Variants in GPRC5A observed in about 807,000 individuals in gnomAD.
GPRC5A encodes the protein G protein-coupled receptor class C group 5 member A, also known as retinoic acid-induced protein 3.
GPRC5A carries 19 observed loss-of-function variants against 22.5 expected under a neutral mutation model. The observed-to-expected ratio is 0.85, with a 90% CI of 0.59 to 1.24. The LOEUF (loss-of-function observed/expected upper bound fraction) is 1.24. Among genes scored for constraint, GPRC5A ranks in the 50% most tolerant of loss-of-function variants. The pLI is 0.00. For missense variants in GPRC5A, 471 were observed against 451.1 expected, an observed-to-expected ratio of 1.04 and a Z score of -0.40; for synonymous variants, 192 against 184.5, an observed-to-expected ratio of 1.04 and a Z score of -0.33.
intron 1 of GPRC5A, among the ~76,000 whole-genome samples, chr12:12,908,024 G>A (rs969567324): frequency 6.6e-6 from 1 of 152,122 alleles, no homozygotes; most frequent in East Asian, 1.9e-4. Flanking sequence ...CTGGGGGAAG[G>A]GACATATGGG....
Position 12,912,638 on chromosome 12 carries a change from C to G in GPRC5A, c.*99C>G. ...TCTTGAGTCTTCTGAGAAAACTGTA[C>G]AAGACACTACGGGAACAGTTTGCCT... On this transcript the variant is annotated 3_prime_UTR_variant, in exon 4 of 4. Coordinates refer to ENST00000014914, the MANE Select transcript of GPRC5A (RefSeq NM_003979.4). The G allele has an allele frequency of 1.4e-6, 1 of 739,942 alleles. No individual in the cohort carries two copies. Among genetic ancestry groups the G allele is most frequent in the South Asian group, 1.5e-5 (1 of 66,556 alleles). The allele number at this position is 739,942 out of a possible 1,614,324, so 45.8% of individuals were successfully genotyped here.
chr12:12,892,337 CTTAAA>C (rs1188486260), intron 1 of GPRC5A, among the ~76,000 whole-genome samples: 2 of 152,138 alleles, frequency 1.3e-5, no homozygotes, highest in Non-Finnish European at 2.9e-5. Context: ...CATCTGGTCC[CTTAAA>C]CATCCATGGG....
chr12:12,893,960 C>A (rs1456670343), intron 1 of GPRC5A, among the ~76,000 whole-genome samples: 1 of 152,184 alleles, frequency 6.6e-6, no homozygotes, highest in Non-Finnish European at 1.5e-5. Context: ...CAGGGTTTCA[C>A]CATGTTGGCC....
At chr12:12,896,449 G>A (rs762065675) in intron 1 of GPRC5A, among the ~76,000 whole-genome samples, 3 of 152,140 alleles carry the variant, frequency 2.0e-5, no homozygotes, top group Non-Finnish European at 1.5e-5. Flanking sequence ...CCCTGTAGAC[G>A]CTTTGCATTT....
chr12:12,904,573 G>T (rs1200862683), intron 1 of GPRC5A, among the ~76,000 whole-genome samples: 1 of 152,158 alleles, frequency 6.6e-6, no homozygotes, highest in Non-Finnish European at 1.5e-5. Context: ...GCTTAGAGCA[G>T]TGATCAGCAC....
At chr12:12,910,509 ACC>A (rs1382519937) in intron 2 of GPRC5A, among the ~76,000 whole-genome samples, 1 of 152,060 alleles carries the variant, frequency 6.6e-6, no homozygotes, top group Non-Finnish European at 1.5e-5. Flanking sequence ...CCCCTGAGCC[ACC>A]CCATCCCATC....
At chr12:12,898,742 C>T (rs1260614471) in intron 1 of GPRC5A, among the ~76,000 whole-genome samples, 1 of 152,154 alleles carries the variant, frequency 6.6e-6, no homozygotes. Context: ...TTGCCTAAGC[C>T]AGAAATCTGG....
rs1294419823 is a variant in GPRC5A, at chr12:12,914,883, G to A, written c.*2344G>A. 6.6e-6 allele frequency: 1 copy of A among 152,058 alleles called. No individual in the cohort carries two copies. The highest frequency in any genetic ancestry group is 1.5e-5 in the Non-Finnish European group (1 of 68,100). The allele number at this position is 152,058 out of a possible 1,614,324, so 9.4% of individuals were successfully genotyped here. A position where few individuals can be genotyped will look rare whatever the true frequency, so the allele number is the denominator to read the frequency against. On this transcript the variant is annotated 3_prime_UTR_variant, in exon 4 of 4. Transcript: ENST00000014914. Reference sequence around the variant, plus strand: ...GATCTGCCCGCCTTGGCCTCCCAAAGTGCTGGGATTACGGGTGGGAATCAC... The same window carrying A: ...GATCTGCCCGCCTTGGCCTCCCAAAATGCTGGGATTACGGGTGGGAATCAC...
chr12:12,913,388 C>T lies in GPRC5A; in HGVS notation c.*849C>T, dbSNP rs1864028086. Reference sequence around the variant, plus strand: ...TTCCGAGATCTAATCTCCCCCTACGCTCTGCCAGGAATTCTTTCAGACCTC... The same window carrying T: ...TTCCGAGATCTAATCTCCCCCTACGTTCTGCCAGGAATTCTTTCAGACCTC... On this transcript the variant is annotated 3_prime_UTR_variant, in exon 4 of 4. Coordinates refer to ENST00000014914, the MANE Select transcript of GPRC5A (RefSeq NM_003979.4). 6.6e-6 allele frequency: 1 copy of T among 152,544 alleles called. No homozygotes were observed. The highest frequency in any genetic ancestry group is 6.5e-5 in the Admixed American group (1 of 15,280). The allele number at this position is 152,544 out of a possible 1,614,324, so 9.4% of individuals were successfully genotyped here. A position where few individuals can be genotyped will look rare whatever the true frequency, so the allele number is the denominator to read the frequency against.
chr12:12,911,519 T>C lies in GPRC5A; in HGVS notation c.923-565T>C, dbSNP rs1166407744. ...TTTTTTTTTGTTTGAGACAGAGTCT[T>C]GTTCTGTCGCCCAGGCTGGAGTGCA... On this transcript the variant is annotated intron_variant, in intron 2 of 3. Coordinates refer to ENST00000014914, the MANE Select transcript of GPRC5A (RefSeq NM_003979.4). Among the ~76,000 whole-genome samples the C allele has an allele frequency of 3.3e-5, 5 of 151,664 alleles. No homozygotes were observed. In the South Asian group the frequency reaches 1.0e-3, roughly 32 times the overall value.
intron 1 of GPRC5A, among the ~76,000 whole-genome samples, chr12:12,902,644 C>A (rs1490002337): frequency 6.6e-6 from 1 of 152,054 alleles, no homozygotes; most frequent in African/African-American, 2.4e-5. Context: ...GTGGCATGCG[C>A]TTGTAGTTTC....
chr12:12,903,097 CA>C (rs1863906809), intron 1 of GPRC5A, among the ~76,000 whole-genome samples: 2 of 151,900 alleles, frequency 1.3e-5, no homozygotes, highest in African/African-American at 4.8e-5. Context: ...AAAAAAAATA[CA>C]CATACTATTT....
chr12:12,900,747 G>A (rs1345138583), intron 1 of GPRC5A, among the ~76,000 whole-genome samples: 1 of 151,514 alleles, frequency 6.6e-6, no homozygotes, highest in South Asian at 2.1e-4. Context: ...AAAATTAGCC[G>A]GGTGTGGTGG....
chr12:12,907,041 C>T (rs55655433), intron 1 of GPRC5A, among the ~76,000 whole-genome samples: 15,004 of 146,438 alleles, frequency 0.1, 742 homozygotes, highest in South Asian at 0.14. Flanking sequence ...GCAAAAAGAG[C>T]GAAACTCCGT....
At chr12:12,905,199 G>A (rs768396460) in intron 1 of GPRC5A, among the ~76,000 whole-genome samples, 2 of 152,056 alleles carry the variant, frequency 1.3e-5, no homozygotes, top group African/African-American at 2.4e-5. Context: ...TGTTTTTTCC[G>A]AGCTGTTTTT....
At chr12:12,904,424 G>A (rs1371280751) in intron 1 of GPRC5A, among the ~76,000 whole-genome samples, 1 of 152,132 alleles carries the variant, frequency 6.6e-6, no homozygotes, top group South Asian at 2.1e-4. Flanking sequence ...GCTTCCAGGA[G>A]GGTAGAGTGT....
intron 1 of GPRC5A, among the ~76,000 whole-genome samples, chr12:12,894,304 A>T (rs976543715): frequency 6.6e-6 from 1 of 152,218 alleles, no homozygotes. Flanking sequence ...CAATTTTACC[A>T]TGTTCTTATT....
At chr12:12,907,734 C>T (rs578186112) in intron 1 of GPRC5A, among the ~76,000 whole-genome samples, 2 of 152,298 alleles carry the variant, frequency 1.3e-5, no homozygotes, top group Admixed American at 6.5e-5. Flanking sequence ...TGGACTCCAG[C>T]GATATTCCCA....
At chr12:12,911,984 C>G in intron 2 of GPRC5A, 100 bp from the exon 3 acceptor site, 1 of 741,264 alleles carries the variant, frequency 1.3e-6, no homozygotes, top group Non-Finnish European at 2.4e-6. Flanking sequence ...GAGAGACAGG[C>G]AATTAAATGG....
Sources: gnomAD v4.1 joint callset for allele counts (sites outside exome capture counted in the v4.1 genomes callset) on GRCh38, gnomAD v4.1.1 for gene constraint, MANE v1.5 for transcripts, NCBI Gene and HGNC (gene_info 2026-07-23, HGNC 2026-07-21) for gene names.